The following TENM3 variants were observed in gnomAD, a reference collection of about 807,000 sequenced individuals.
TENM3 encodes teneurin transmembrane protein 3.
TENM3 carries 63 observed loss-of-function variants against 255.1 expected under a neutral mutation model. The observed-to-expected ratio is 0.25, with a 90% confidence interval of 0.20 to 0.30. TENM3 has a LOEUF of 0.30. Ranked by LOEUF, TENM3 falls within the 10% of genes least tolerant of loss-of-function variation. The pLI, the probability that TENM3 is intolerant of heterozygous loss-of-function variation, is 1.00. For synonymous variants in TENM3, 1,306 were observed against 1,322.3 expected (o/e 0.99, Z 0.27); for missense variants, 2,929 against 3,461.1 (o/e 0.85, Z 3.86).
At chr4:182,483,358 G>A (rs1396881181) in intron 3 of TENM3, among the ~76,000 whole-genome samples, 3 of 152,082 alleles carry the variant, frequency 2.0e-5, no homozygotes, top group African/African-American at 7.2e-5. Context: ...AGCACTTTAT[G>A]CCATATTGAA....
intron 3 of TENM3, among the ~76,000 whole-genome samples, chr4:182,568,288 A>G (rs953467280): frequency 1.6e-4 from 25 of 152,200 alleles, no homozygotes; most frequent in Admixed American, 9.8e-4. Flanking sequence ...CAACACAGTG[A>G]GTTGGAAGGC....
At chr4:182,695,945 A>T (rs1387273505) in intron 12 of TENM3, among the ~76,000 whole-genome samples, 1 of 152,236 alleles carries the variant, frequency 6.6e-6, no homozygotes, top group Non-Finnish European at 1.5e-5. Flanking sequence ...TACTGCAGAT[A>T]CTGAGTTCAA....
the TENM3 span, among the ~76,000 whole-genome samples, chr4:181,778,611 T>C: frequency 1.2e-4 from 18 of 152,234 alleles, no homozygotes; most frequent in East Asian, 3.5e-3. Flanking sequence ...TATTAGTCAG[T>C]TTTGCCTTGA....
chr4:182,681,869 T>C lies in TENM3; in HGVS notation c.1890T>C (p.Cys630=), dbSNP rs2152566888. ...SNHGVCIHGE[C]HCSPGWGGSN... ...ATGGTGTGTGTATCCACGGGGAATG[T>C]CACTGCAGTCCAGGATGGGGAGGTA... The change falls in exon 11 of 28, where the codon TGT becomes TGC. Residue 630 remains cysteine (C), a synonymous_variant. Coordinates refer to ENST00000511685, the MANE Select transcript of TENM3 (RefSeq NM_001080477.4). The C allele has an allele frequency of 6.2e-7, 1 of 1,613,926 alleles. No individual in the cohort carries two copies. The highest frequency in any genetic ancestry group is 1.1e-5 in the South Asian group (1 of 91,056).
the TENM3 span, among the ~76,000 whole-genome samples, chr4:181,810,130 G>A: frequency 6.6e-6 from 1 of 152,150 alleles, no homozygotes; most frequent in Non-Finnish European, 1.5e-5. Flanking sequence ...CATATGAAAA[G>A]TAACAAGCAC....
intron 13 of TENM3, among the ~76,000 whole-genome samples, chr4:182,716,251 G>C (rs1447710907): frequency 6.6e-6 from 1 of 152,192 alleles, no homozygotes; most frequent in African/African-American, 2.4e-5. Context: ...CTCTCAGAGG[G>C]AAGCGGGCTG....
chr4:182,149,152 A>G (rs890152081), intron 1 of TENM3, among the ~76,000 whole-genome samples: 2 of 152,038 alleles, frequency 1.3e-5, no homozygotes, highest in African/African-American at 4.8e-5. Flanking sequence ...CTGTAATGAT[A>G]GATTCTTGGC....
At chr4:182,223,520 C>T (rs999245650) in intron 1 of TENM3, among the ~76,000 whole-genome samples, 8 of 152,178 alleles carry the variant, frequency 5.3e-5, no homozygotes, top group African/African-American at 1.9e-4. Flanking sequence ...TGATTACATG[C>T]TTACACCTTA....
chr4:182,704,264 A>G (rs1758104295), intron 12 of TENM3, among the ~76,000 whole-genome samples: 1 of 152,246 alleles, frequency 6.6e-6, no homozygotes, highest in South Asian at 2.1e-4. Flanking sequence ...AAACTCATAC[A>G]TCACACACCA....
the TENM3 span, among the ~76,000 whole-genome samples, chr4:181,510,420 A>C: frequency 6.6e-6 from 1 of 152,060 alleles, no homozygotes; most frequent in Non-Finnish European, 1.5e-5. Context: ...GCTGTCCATA[A>C]TTTTCTGGTC....
the TENM3 span, among the ~76,000 whole-genome samples, chr4:181,542,930 T>A: frequency 2.0e-5 from 3 of 152,192 alleles, no homozygotes; most frequent in African/African-American, 7.2e-5. Flanking sequence ...TCCCCTACAT[T>A]ACTTACCCAT....
At chr4:182,299,046 G>A (rs1236459504) in intron 1 of TENM3, among the ~76,000 whole-genome samples, 1 of 129,972 alleles carries the variant, frequency 7.7e-6, no homozygotes, top group Non-Finnish European at 1.6e-5. Context: ...TGCAGATTGA[G>A]AAATGAAGCT....
Position 182,537,032 on chromosome 4 carries a change from G to A in TENM3, c.512-63892G>A, listed in dbSNP as rs1466751655. ...TGAAGGAGTGTCCAGAAGAATGAAA[G>A]ACATAAATACAGTTAACTGTGTGTT... On this transcript the variant is annotated intron_variant, in intron 3 of 27. Coordinates refer to ENST00000511685, the MANE Select transcript of TENM3 (RefSeq NM_001080477.4). 2.6e-5 allele frequency among the ~76,000 whole-genome samples: 4 copies of A among 152,266 alleles called. No homozygotes were observed. In the East Asian group the frequency reaches 7.7e-4, roughly 29 times the overall value.
the TENM3 span, among the ~76,000 whole-genome samples, chr4:182,053,940 C>T: frequency 1.3e-5 from 2 of 152,086 alleles, no homozygotes; most frequent in African/African-American, 2.4e-5. Flanking sequence ...ACACTTGATG[C>T]AGTTAAAGCA....
chr4:182,112,814 G>A, the TENM3 span, among the ~76,000 whole-genome samples: 1 of 152,168 alleles, frequency 6.6e-6, no homozygotes, highest in Non-Finnish European at 1.5e-5. Flanking sequence ...AGAACTTGGA[G>A]TTTCAGCTCG....
chr4:182,047,553 T>C, the TENM3 span, among the ~76,000 whole-genome samples: 2 of 68,458 alleles, frequency 2.9e-5, no homozygotes, highest in African/African-American at 1.3e-4. Flanking sequence ...AGAACGAGAC[T>C]CCATCTCAAA....
At chr4:181,631,090 C>A in the TENM3 span, among the ~76,000 whole-genome samples, 1 of 152,080 alleles carries the variant, frequency 6.6e-6, no homozygotes, top group Non-Finnish European at 1.5e-5. Context: ...AACTGGGAAA[C>A]AACTACTTGC....
At chr4:182,674,743 T>C (rs1755522090) in intron 7 of TENM3, among the ~76,000 whole-genome samples, 1 of 151,992 alleles carries the variant, frequency 6.6e-6, no homozygotes. Flanking sequence ...CCCCGGCTAA[T>C]TTTTGTATTT....
intron 1 of TENM3, among the ~76,000 whole-genome samples, chr4:182,179,589 T>G (rs1752718896): frequency 1.3e-5 from 2 of 152,196 alleles, no homozygotes; most frequent in South Asian, 2.1e-4. Context: ...CAAAATAGAC[T>G]ATGGTAGTTT....
Sources: gnomAD v4.1 joint callset for allele counts (sites outside exome capture counted in the v4.1 genomes callset) on GRCh38, gnomAD v4.1.1 for gene constraint, MANE v1.5 for transcripts, NCBI Gene and HGNC (gene_info 2026-07-23, HGNC 2026-07-21) for gene names.